Variants in PDE8B observed in about 807,000 individuals in gnomAD.
PDE8B encodes phosphodiesterase 8B.
In PDE8B, 26 loss-of-function variants were observed where a neutral mutation model predicts 101.3. That is an observed-to-expected ratio of 0.26 (90% CI 0.19 to 0.36). The LOEUF (loss-of-function observed/expected upper bound fraction) is 0.36. PDE8B is among the 10% of genes least tolerant of loss of function. The pLI is 1.00. For missense variants in PDE8B, 810 were observed against 1,163.1 expected (o/e 0.70, Z 4.42); for synonymous variants, 424 against 429.3 (o/e 0.99, Z 0.15).
intron 6 of PDE8B, among the ~76,000 whole-genome samples, chr5:77,339,181 C>T (rs907898671): frequency 6.6e-6 from 1 of 152,138 alleles, no homozygotes; most frequent in African/African-American, 2.4e-5. Context: ...TTTCTAAGTA[C>T]ATTATGTAAG....
chr5:77,128,806 G>A, the PDE8B span, among the ~76,000 whole-genome samples: 1 of 152,172 alleles, frequency 6.6e-6, no homozygotes, highest in Non-Finnish European at 1.5e-5. Context: ...ACCAGAACTA[G>A]GTCAAAGTCT....
At position 77,210,744 on chromosome 5, in the gene PDE8B, G is replaced by A; in HGVS notation, c.-182G>A. ...AAAAGGGAAAGTTGGGGTGACGCGC[G>A]CGGTCCCCGGAGGCTCGGCGGGGGG... On this transcript the variant is annotated 5_prime_UTR_variant, in exon 1 of 22. Coordinates refer to ENST00000264917, the MANE Select transcript of PDE8B (RefSeq NM_003719.5). The surrounding 1 kb of genome is among the most constrained non-coding windows in gnomAD (Gnocchi z 4.9). 1.0e-6 allele frequency: 1 copy of A among 982,066 alleles called. No individual in the cohort carries two copies. The highest frequency in any genetic ancestry group is 1.2e-6 in the Non-Finnish European group (1 of 828,968). The allele number at this position is 982,066 out of a possible 1,614,324, so 60.8% of individuals were successfully genotyped here.
At chr5:77,411,994 G>GGTA in intron 15 of PDE8B, 106 bp from the exon 16 acceptor site, 1 of 1,148,170 alleles carries the variant, frequency 8.7e-7, no homozygotes, top group Non-Finnish European at 1.3e-6. Context: ...AGAAAAATCA[G>GGTA]GTACAAGACT....
chr5:77,154,020 G>C, the PDE8B span, among the ~76,000 whole-genome samples: 4 of 152,182 alleles, frequency 2.6e-5, no homozygotes, highest in Admixed American at 1.3e-4. Context: ...TATTGATATG[G>C]ATTGTAGCCA....
the PDE8B span, among the ~76,000 whole-genome samples, chr5:77,126,837 A>AT: frequency 6.6e-6 from 1 of 152,236 alleles, no homozygotes; most frequent in Non-Finnish European, 1.5e-5. Context: ...GAAAAAATAA[A>AT]TATCTTTAAT....
the PDE8B span, among the ~76,000 whole-genome samples, chr5:77,124,155 C>G: frequency 2.0e-5 from 3 of 152,034 alleles, no homozygotes; most frequent in Non-Finnish European, 2.9e-5. Flanking sequence ...TTTACAATAT[C>G]TAGAATCTAA....
At chr5:77,318,194 T>A (rs548332285) in intron 2 of PDE8B, among the ~76,000 whole-genome samples, 1 of 152,196 alleles carries the variant, frequency 6.6e-6, no homozygotes, top group African/African-American at 2.4e-5. Flanking sequence ...CATAGGGAGC[T>A]GACCTTCACA....
At chr5:77,129,782 T>C in the PDE8B span, among the ~76,000 whole-genome samples, 147 of 152,334 alleles carry the variant, frequency 9.6e-4, no homozygotes, top group Middle Eastern at 3.4e-3. Flanking sequence ...CTGTAGTGTT[T>C]CGCAGTAAAA....
chr5:77,366,230 G>GT (rs1784105923), intron 10 of PDE8B, among the ~76,000 whole-genome samples: 4 of 151,790 alleles, frequency 2.6e-5, no homozygotes, highest in Admixed American at 2.0e-4. Context: ...TGAGAACTTT[G>GT]GTTTTTTTTA....
At chr5:77,296,395 G>A (rs568692568) in intron 1 of PDE8B, among the ~76,000 whole-genome samples, 6 of 152,108 alleles carry the variant, frequency 3.9e-5, no homozygotes, top group African/African-American at 1.4e-4. Flanking sequence ...CTGAGTAGCT[G>A]GGACTACAGA....
At chr5:77,307,747 C>T (rs1490225241) in intron 1 of PDE8B, among the ~76,000 whole-genome samples, 1 of 152,172 alleles carries the variant, frequency 6.6e-6, no homozygotes, top group Non-Finnish European at 1.5e-5. Context: ...GTTCAGCAGT[C>T]CTTCCTCATT....
chr5:77,332,654 G>A (rs576070229), intron 5 of PDE8B, among the ~76,000 whole-genome samples: 72 of 152,198 alleles, frequency 4.7e-4, no homozygotes, highest in African/African-American at 1.6e-3. Flanking sequence ...CCTGACCAAC[G>A]TGGAGAAACC....
intron 17 of PDE8B, among the ~76,000 whole-genome samples, chr5:77,415,791 C>T (rs1795412982): frequency 6.6e-6 from 1 of 152,178 alleles, no homozygotes; most frequent in Non-Finnish European, 1.5e-5. Context: ...TTCCAGGGAA[C>T]TAGTGCAAGT....
chr5:77,324,945 T>A (rs934472181), intron 2 of PDE8B, among the ~76,000 whole-genome samples: 1 of 152,338 alleles, frequency 6.6e-6, no homozygotes. Flanking sequence ...CCAGAGTGAA[T>A]GGGCACCTTC....
At chr5:77,330,227 A>G (rs569562973) in intron 4 of PDE8B, among the ~76,000 whole-genome samples, 9 of 152,326 alleles carry the variant, frequency 5.9e-5, no homozygotes, top group African/African-American at 1.7e-4. Context: ...AATACCAGAA[A>G]TGTTCAAGGC....
chr5:77,132,464 C>T, the PDE8B span, among the ~76,000 whole-genome samples: 1 of 152,254 alleles, frequency 6.6e-6, no homozygotes, highest in East Asian at 1.9e-4. Flanking sequence ...AAATAGTGGG[C>T]TATGATTTTA....
Position 77,290,365 on chromosome 5 carries a change from G to A in PDE8B, c.340-21629G>A. ...GGCGTGTATAATGGAAGCTGGGGAG[G>A]CCGGGGAGAGGTTATTATGACCTGT... is the stretch of plus-strand genomic sequence containing the variant. On this transcript the variant is annotated intron_variant, in intron 1 of 21. Transcript: ENST00000264917. The A allele has an allele frequency of 2.1e-6, 3 of 1,409,624 alleles. No homozygotes were observed. The South Asian group carries it at 3.5e-5, about 16-fold the overall frequency. 87.3% of individuals were successfully genotyped at this position (1,409,624 alleles called of 1,614,324 possible).
upstream of PDE8B, among the ~76,000 whole-genome samples, chr5:77,206,632 AG>A (rs1747524092): frequency 6.6e-6 from 1 of 152,166 alleles, no homozygotes; most frequent in Admixed American, 6.5e-5. Context: ...GGGCTCAGCA[AG>A]GTCGCCAGGA....
At chr5:77,131,864 C>CA in the PDE8B span, among the ~76,000 whole-genome samples, 1 of 152,088 alleles carries the variant, frequency 6.6e-6, no homozygotes, top group Non-Finnish European at 1.5e-5. Flanking sequence ...GGGGTCCATT[C>CA]AACAAACAGT....
Sources: allele counts gnomAD v4.1 joint callset (sites outside exome capture counted in the v4.1 genomes callset), GRCh38; gene constraint gnomAD v4.1.1; non-coding constraint Gnocchi (gnomAD v3.1); transcripts MANE v1.5; gene names NCBI Gene and HGNC (gene_info 2026-07-23, HGNC 2026-07-21).